Variants in NLGN4Y observed in about 807,000 individuals in gnomAD.
The protein encoded by NLGN4Y is neuroligin-4, Y-linked.
Under a neutral mutation model 8.4 loss-of-function variants are expected in NLGN4Y, and 4 were observed. The ratio of observed to expected loss-of-function variants is 0.48; its 90% CI spans 0.23 to 1.09. The LOEUF is 1.09. Ranked by LOEUF, NLGN4Y falls within the 50% of genes least tolerant of loss-of-function variation. NLGN4Y has a pLI of 0.19. For missense variants in NLGN4Y, 90 were observed against 192.3 expected (o/e 0.47, Z 3.15); for synonymous variants, 35 against 75.6 (o/e 0.46, Z 2.78).
intron 2 of NLGN4Y, among the ~76,000 whole-genome samples, chrY:14,702,271 C>T (rs2080851493): frequency 9.2e-5 from 3 of 32,617 alleles, no homozygotes; most frequent in Non-Finnish European, 2.2e-4. Context: ...ATTAACTCTT[C>T]ATTTAATGTT....
chrY:14,780,808 C>T (rs2042941641), intron 4 of NLGN4Y, among the ~76,000 whole-genome samples: 1 of 32,995 alleles, frequency 3.0e-5, no homozygotes, highest in African/African-American at 1.2e-4. Flanking sequence ...TTTGTTTTAG[C>T]AGCCAAAGCA....
At chrY:14,639,384 A>G in intron 2 of NLGN4Y, 1 of 152,083 alleles carries the variant, frequency 6.6e-6, no homozygotes, top group Admixed American at 9.8e-5. Flanking sequence ...GGATATGTCT[A>G]TTATTAGGGC....
intron 2 of NLGN4Y, among the ~76,000 whole-genome samples, chrY:14,674,149 A>G (rs2080737835): frequency 3.3e-5 from 1 of 30,060 alleles, no homozygotes; most frequent in African/African-American, 1.3e-4. Context: ...ACTAACCTGC[A>G]CAATGTGCAC....
At chrY:14,792,851 A>AGTGTGTGT (rs1569375425) in intron 4 of NLGN4Y, among the ~76,000 whole-genome samples, 26 of 9,099 alleles carry the variant, frequency 2.9e-3, no homozygotes, top group African/African-American at 3.9e-3. Flanking sequence ...AGAGAGAGAG[A>AGTGTGTGT]GTGTGTGTGT....
chrY:14,641,256 T>C, intron 2 of NLGN4Y, among the ~76,000 whole-genome samples: 2 of 33,375 alleles, frequency 6.0e-5, no homozygotes, highest in African/African-American at 1.2e-4. Context: ...GTTGACATAA[T>C]TTGTATTTGC....
chrY:14,546,823 A>T (rs2080174610), intron 1 of NLGN4Y, among the ~76,000 whole-genome samples: 1 of 33,360 alleles, frequency 3.0e-5, no homozygotes, highest in African/African-American at 1.2e-4. Context: ...GTTCAGTAGG[A>T]GTGATGAGAG....
intron 1 of NLGN4Y, among the ~76,000 whole-genome samples, chrY:14,606,426 T>C (rs2080446826): frequency 3.0e-5 from 1 of 33,126 alleles, no homozygotes; most frequent in Non-Finnish European, 7.4e-5. Flanking sequence ...TTCTAATATA[T>C]TCCAAGCCTT....
chrY:14,538,416 T>C, intron 1 of NLGN4Y, among the ~76,000 whole-genome samples: 1 of 34,379 alleles, frequency 2.9e-5, no homozygotes, highest in Non-Finnish European at 7.3e-5. Context: ...ACTTTTTTAT[T>C]ATGCAGCAGA....
At chrY:14,776,625 G>C in intron 4 of NLGN4Y, among the ~76,000 whole-genome samples, 1 of 31,806 alleles carries the variant, frequency 3.1e-5, no homozygotes, top group South Asian at 6.8e-4. Flanking sequence ...AGAATATCTT[G>C]CTTTGCTTTC....
intron 4 of NLGN4Y, among the ~76,000 whole-genome samples, chrY:14,772,878 C>G: frequency 3.0e-5 from 1 of 32,884 alleles, no homozygotes; most frequent in East Asian, 7.9e-4. Context: ...TCCTTTTATG[C>G]TAAAAATTCT....
At chrY:14,773,454 A>G in intron 4 of NLGN4Y, among the ~76,000 whole-genome samples, 1 of 33,157 alleles carries the variant, frequency 3.0e-5, no homozygotes, top group Non-Finnish European at 7.4e-5. Flanking sequence ...TCCCATGCTC[A>G]TGGATAGGAA....
chrY:14,613,122 T>A, intron 1 of NLGN4Y, among the ~76,000 whole-genome samples: 2 of 32,618 alleles, frequency 6.1e-5, no homozygotes, highest in Non-Finnish European at 1.5e-4. Context: ...GAAGCCTCAG[T>A]GATGCCAGAC....
chrY:14,778,075 A>ATAAATAAATAAC (rs2081133810), intron 4 of NLGN4Y, among the ~76,000 whole-genome samples: 1 of 30,859 alleles, frequency 3.2e-5, no homozygotes, highest in Non-Finnish European at 7.7e-5. Flanking sequence ...AAATAAATAA[A>ATAAATAAATAAC]TAACTATGTA....
At chrY:14,522,890 T>C (rs983213163), upstream of NLGN4Y, 10 of 32,782 alleles carry the variant, frequency 3.1e-4, no homozygotes, top group Admixed American at 2.8e-3. Flanking sequence ...TTAGAAAAAT[T>C]TGGATGTGTA....
rs770566300 is a variant in NLGN4Y, at chrY:14,646,115, T to C, written c.472+23524T>C. The stretch of plus-strand genomic sequence containing the variant: ...GCAATGAAGATAACAAATACTGTGA[T>C]GATTGTTTTGGTGATAATAGTAATA... On this transcript the variant is annotated intron_variant, in intron 2 of 6. Transcript: ENST00000684976. Among the ~76,000 whole-genome samples, 22 of 33,321 alleles carry C rather than the reference T, an allele frequency of 6.6e-4. No individual in the cohort carries two copies. The South Asian group carries it at 0.015, about 23-fold the overall frequency. The allele number at this position is 33,321 out of a possible 37,273, so 89.4% of individuals were successfully genotyped here. A position where few individuals can be genotyped will look rare whatever the true frequency, so the allele number is the denominator to read the frequency against.
At chrY:14,794,093 T>C in intron 4 of NLGN4Y, 2 of 32,392 alleles carry the variant, frequency 6.2e-5, no homozygotes, top group African/African-American at 2.4e-4. Flanking sequence ...CAAGCTGTTT[T>C]GTGCAGTTCT....
intron 1 of NLGN4Y, among the ~76,000 whole-genome samples, chrY:14,621,075 T>G: frequency 3.1e-5 from 1 of 32,534 alleles, no homozygotes; most frequent in African/African-American, 1.2e-4. Context: ...TGCACCATCT[T>G]GTACAGTTTT....
intron 4 of NLGN4Y, among the ~76,000 whole-genome samples, chrY:14,781,528 T>G: frequency 3.0e-5 from 1 of 33,421 alleles, no homozygotes; most frequent in African/African-American, 1.2e-4. Context: ...TATTCTAGAT[T>G]TGCTAGTCTA....
chrY:14,628,099 T>G, intron 2 of NLGN4Y, among the ~76,000 whole-genome samples: 1 of 32,969 alleles, frequency 3.0e-5, no homozygotes, highest in Admixed American at 2.7e-4. Context: ...AGTGAGACAC[T>G]GTCTCAAAAA....
Sources: allele counts gnomAD v4.1 joint callset (sites outside exome capture counted in the v4.1 genomes callset), GRCh38; gene constraint gnomAD v4.1.1; transcripts MANE v1.5; gene names NCBI Gene and HGNC (gene_info 2026-07-23, HGNC 2026-07-21).